TNS2: variants seen among roughly 807,000 people sequenced by gnomAD.
TNS2 encodes the protein tensin-2.
In TNS2, 77 loss-of-function variants were observed where a neutral mutation model predicts 155.7. The observed-to-expected ratio is 0.49, with a 90% confidence interval of 0.41 to 0.60. The LOEUF (loss-of-function observed/expected upper bound fraction) is 0.60. Ranked by LOEUF, TNS2 falls within the 20% of genes least tolerant of loss-of-function variation. The probability of loss-of-function intolerance (pLI) is 0.00; values close to 1 mark genes in which losing one functional copy is unlikely to be tolerated. For synonymous variants in TNS2, 726 were observed against 763.9 expected (o/e 0.95, Z 0.82); for missense variants, 1,703 against 1,868.8 (o/e 0.91, Z 1.64).
intron 4 of TNS2, 119 bp from the exon 5 acceptor site, chr12:53,053,655 T>C: frequency 6.7e-7 from 1 of 1,485,924 alleles, no homozygotes; most frequent in South Asian, 1.3e-5. Context: ...TCCTCTCCCC[T>C]TATCCAGTAC....
rs935036559 is a variant in TNS2, at chr12:53,058,768, C to T, written c.1346C>T (p.Pro449Leu). The change falls in exon 17 of 29, where the codon CCA becomes CTA. Residue 449 changes from proline to leucine, a missense_variant. Transcript: ENST00000314250. ...SVSVDYNTTEPAVRWDSYENF... is the reference protein window; with the variant it reads ...SVSVDYNTTELAVRWDSYENF... ...TCTGTCGACTACAACACCACTGAGC[C>T]AGCCGTGCGCTGGGACTCCTATGAG... is the stretch of plus-strand genomic sequence containing the variant. 1.3e-5 allele frequency: 21 copies of T among 1,613,994 alleles called. No individual in the cohort carries two copies. The highest frequency in any genetic ancestry group is 1.8e-5 in the Non-Finnish European group (21 of 1,180,002).
chr12:53,052,635 G>A (rs1943979861), intron 3 of TNS2, 143 bp downstream of exon 3: 1 of 1,106,798 alleles, frequency 9.0e-7, no homozygotes, highest in Non-Finnish European at 1.3e-6. Flanking sequence ...TGGGAGGGGT[G>A]CTGTACTGGG....
chr12:53,057,114 G>A lies in TNS2; in HGVS notation c.845+18G>A. 6.2e-7 allele frequency: 1 copy of A among 1,606,442 alleles called. No homozygotes were observed. Among genetic ancestry groups the A allele is most frequent in the Non-Finnish European group, 8.5e-7 (1 of 1,176,608 alleles). ...CAGCGTCGGTGAGCAGCCTGGGTGG[G>A]GATGGGCCAGAGGAGCAGCTCCCTT... is the stretch of plus-strand genomic sequence containing the variant. On this transcript the variant is annotated intron_variant, in intron 11 of 28. Transcript: ENST00000314250.
Position 53,063,346 on chromosome 12 carries a change from C to T in TNS2, c.3993-3C>T. The T allele has an allele frequency of 6.2e-7, 1 of 1,614,104 alleles. No homozygotes were observed. The highest frequency in any genetic ancestry group is 1.1e-5 in the South Asian group (1 of 91,086). On this transcript the variant is annotated splice_polypyrimidine_tract_variant and splice_region_variant and intron_variant, in intron 26 of 28. Coordinates refer to ENST00000314250, the MANE Select transcript of TNS2 (RefSeq NM_170754.4). This position sits in a 1 kb window ranked among gnomAD's most constrained non-coding sequence, Gnocchi z 5.6. ...GTGACCTTCCTCACCCTCCTCCTTG[C>T]AGGCTCTTCTTTCGCCGCCATTATC...
rs770724881 is a variant in TNS2 at position 53,059,363 on chromosome 12, A to C, written c.1722A>C (p.Gly574=). The change falls in exon 18 of 29, where the codon GGA becomes GGC. Residue 574 remains glycine, a synonymous_variant. Transcript: ENST00000314250. This position sits in a 1 kb window ranked among gnomAD's most constrained non-coding sequence, Gnocchi z 4.7. ...ACGAAGAGCAGCCCACTGTGGGCGG[A>C]GGCCCCCACCTCGGAGTGTATCCAG... ...LDDEEQPTVG[G]GPHLGVYPGH... is the part of the protein sequence containing the mutation. 1.4e-6 allele frequency: 2 copies of C among 1,445,712 alleles called. No individual in the cohort carries two copies. The highest frequency in any genetic ancestry group is 3.1e-5 in the South Asian group (2 of 64,510). The allele number at this position is 1,445,712 out of a possible 1,614,324, so 89.6% of individuals were successfully genotyped here.
Position 53,061,842 on chromosome 12 carries a change from C to T in TNS2, c.3476C>T (p.Pro1159Leu). 6.2e-7 allele frequency: 1 copy of T among 1,613,754 alleles called. No homozygotes were observed. Among genetic ancestry groups the T allele is most frequent in the Non-Finnish European group, 8.5e-7 (1 of 1,179,962 alleles). The change falls in exon 22 of 29, where the codon CCT becomes CTT. Residue 1159 changes from proline to leucine, a missense_variant. By Grantham distance (98) the Pro-to-Leu change is moderately conservative. Coordinates refer to ENST00000314250, the MANE Select transcript of TNS2 (RefSeq NM_170754.4). The stretch of plus-strand genomic sequence containing the variant: ...ATTGCCCTGCTGAAGGACAAGGACC[C>T]TGGGGCCTTCCTGATCAGGGACAGT... Reference protein sequence around the residue: ...QAIALLKDKDPGAFLIRDSHS... With the variant: ...QAIALLKDKDLGAFLIRDSHS...
At chr12:53,057,119 G>A (rs762659107) in intron 11 of TNS2, 23 bp downstream of exon 11, 1 of 1,603,406 alleles carries the variant, frequency 6.2e-7, no homozygotes, top group Admixed American at 1.7e-5. Context: ...GGTGGGGATG[G>A]GCCAGAGGAG....
intron 5 of TNS2, 64 bp downstream of exon 5, chr12:53,053,876 T>C: frequency 6.2e-7 from 1 of 1,613,964 alleles, no homozygotes. Context: ...CTAGATTTCC[T>C]GAAGACAAAA....
intron 14 of TNS2, 72 bp from the exon 15 acceptor site, chr12:53,058,244 C>A (rs911512776): frequency 1.9e-6 from 3 of 1,602,952 alleles, no homozygotes; most frequent in African/African-American, 2.7e-5. Flanking sequence ...AAGCTGTGAC[C>A]AGGCAGTCCC....
upstream of TNS2, chr12:53,050,005 G>T (rs1943866573): frequency 1.4e-6 from 2 of 1,418,174 alleles, no homozygotes; most frequent in Non-Finnish European, 1.8e-6. This position sits in a 1 kb window ranked among gnomAD's most constrained non-coding sequence, Gnocchi z 4.7. Flanking sequence ...GCAGCGACCT[G>T]CCCCCTTCCC....
At chr12:53,047,707 C>T (rs1437473241), upstream of TNS2, among the ~76,000 whole-genome samples, 1 of 152,068 alleles carries the variant, frequency 6.6e-6, no homozygotes, top group Non-Finnish European at 1.5e-5. Context: ...GCTCGGGCCC[C>T]GGCCTGGCAG....
In TNS2 at chr12:53,060,079, G is replaced by A. The variant is rs976081991; in HGVS notation, c.2438G>A (p.Gly813Glu). 32 of 1,612,618 alleles carry A rather than the reference G, an allele frequency of 2.0e-5. No individual in the cohort carries two copies. Among genetic ancestry groups the A allele is most frequent in the Non-Finnish European group, 2.5e-5 (29 of 1,179,432 alleles). Residue 813 changes from glycine to glutamate, a missense_variant, in exon 18 of 29, where the codon GGA (glycine) becomes GAA (glutamate). Coordinates refer to ENST00000314250, the MANE Select transcript of TNS2 (RefSeq NM_170754.4). The surrounding 1 kb of genome is among the most constrained non-coding windows in gnomAD (Gnocchi z 6.1). ...GRVPHSCGSP[G>E]EGRGYPSPGA... ...GTGCCTCATAGCTGTGGCTCTCCAG[G>A]AGAGGGCAGAGGGTATCCCAGCCCT...
At position 53,051,848 on chromosome 12, in the gene TNS2, C is replaced by G; in HGVS notation, c.76-7C>G. On this transcript the variant is annotated splice_region_variant and splice_polypyrimidine_tract_variant and intron_variant, in intron 1 of 28. Coordinates refer to ENST00000314250, the MANE Select transcript of TNS2 (RefSeq NM_170754.4). ...ACTCACACCTCTGTTTGTCCCTCCA[C>G]CTTCAGCCTAGGAAAGCTGAGCCTC... 1 of 1,609,894 alleles carries G rather than the reference C, an allele frequency of 6.2e-7. No homozygotes were observed. Among genetic ancestry groups the G allele is most frequent in the Non-Finnish European group, 8.5e-7 (1 of 1,177,428 alleles).
chr12:53,060,619 G>T lies in TNS2; in HGVS notation c.2769-56G>T. The T allele has an allele frequency of 6.3e-7, 1 of 1,593,202 alleles. No homozygotes were observed. Among genetic ancestry groups the T allele is most frequent in the Non-Finnish European group, 8.6e-7 (1 of 1,167,680 alleles). ...TCCAAGCAGTTGATGAAGGCAGGTG[G>T]GGTGGGAGCAGCCACAATGGGGGCT... On this transcript the variant is annotated intron_variant, in intron 19 of 28. Coordinates refer to ENST00000314250, the MANE Select transcript of TNS2 (RefSeq NM_170754.4). This position sits in a 1 kb window ranked among gnomAD's most constrained non-coding sequence, Gnocchi z 6.1.
At position 53,063,141 on chromosome 12, in the gene TNS2, C is replaced by T. The variant is rs1419357554; in HGVS notation, c.3876C>T (p.Pro1292=). Residue 1292 remains proline (P), a synonymous_variant, in exon 26 of 29, where the codon CCC becomes CCT. Coordinates refer to ENST00000314250, the MANE Select transcript of TNS2 (RefSeq NM_170754.4). This position sits in a 1 kb window ranked among gnomAD's most constrained non-coding sequence, Gnocchi z 5.6. ...TGGAGACAGAGTCACTGACGGGCCC[C>T]CAAGCTGTGGCCCGGGCCAGCTCTG... ...TSVETESLTG[P]QAVARASSAA... 3.1e-6 allele frequency: 5 copies of T among 1,603,406 alleles called. No individual in the cohort carries two copies. The South Asian group carries it at 4.5e-5, about 14-fold the overall frequency.
At chr12:53,052,614 C>T in intron 3 of TNS2, 122 bp downstream of exon 3, 2 of 1,369,808 alleles carry the variant, frequency 1.5e-6, no homozygotes, top group Non-Finnish European at 2.1e-6. Flanking sequence ...CACTGGGGAA[C>T]CCCTCCTGGG....
rs761101360 is a variant in TNS2, at chr12:53,058,746, G to A, written c.1324G>A (p.Val442Ile). ...STPRNDPSVS[V>I]DYNTTEPAVR... Reference sequence around the variant, plus strand: ...TCCACGGAACGACCCCTCGGTCTCTGTCGACTACAACACCACTGAGCCAGC... The same window carrying A: ...TCCACGGAACGACCCCTCGGTCTCTATCGACTACAACACCACTGAGCCAGC... Residue 442 changes from valine (V) to isoleucine (I), a missense_variant, in exon 17 of 29, where the codon GTC becomes ATC. By Grantham distance (29) the Val-to-Ile change is conservative. Coordinates refer to ENST00000314250, the MANE Select transcript of TNS2 (RefSeq NM_170754.4). 5.0e-6 allele frequency: 8 copies of A among 1,613,896 alleles called. No homozygotes were observed. Among genetic ancestry groups the A allele is most frequent in the Non-Finnish European group, 6.8e-6 (8 of 1,180,014 alleles).
chr12:53,064,116 T>G lies in TNS2; in HGVS notation c.*234T>G. 1.9e-6 allele frequency: 1 copy of G among 531,878 alleles called. No individual in the cohort carries two copies. The highest frequency in any genetic ancestry group is 1.9e-5 in the African/African-American group (1 of 52,700). 32.9% of individuals were successfully genotyped at this position (531,878 alleles called of 1,614,324 possible). Reference sequence around the variant, plus strand: ...TGTGAGCAGATGGCAGAGATGGGTGTGTGAGGGGTGAGGAGGCATCAGCAG... The same window carrying G: ...TGTGAGCAGATGGCAGAGATGGGTGGGTGAGGGGTGAGGAGGCATCAGCAG... On this transcript the variant is annotated 3_prime_UTR_variant, in exon 29 of 29. Coordinates refer to ENST00000314250, the MANE Select transcript of TNS2 (RefSeq NM_170754.4).
chr12:53,056,594 C>T (rs1944167994), intron 10 of TNS2, among the ~76,000 whole-genome samples: 1 of 152,162 alleles, frequency 6.6e-6, no homozygotes, highest in African/African-American at 2.4e-5. Flanking sequence ...GGTGTTCTCC[C>T]TGTGTGTCTC....
Sources: gnomAD v4.1 joint callset for allele counts (sites outside exome capture counted in the v4.1 genomes callset) on GRCh38, gnomAD v4.1.1 for gene constraint, Gnocchi (gnomAD v3.1) non-coding constraint, MANE v1.5 for transcripts, NCBI Gene and HGNC (gene_info 2026-07-23, HGNC 2026-07-21) for gene names.